Variants in BMERB1 observed in about 807,000 individuals in gnomAD.
The protein encoded by BMERB1 is bMERB domain containing 1, also known as bMERB domain-containing protein 1.
Under a neutral mutation model 23.6 loss-of-function variants are expected in BMERB1, and 12 were observed. The observed-to-expected ratio is 0.51, with a 90% CI of 0.33 to 0.82. The LOEUF (loss-of-function observed/expected upper bound fraction) is 0.82. Among genes scored for constraint, BMERB1 ranks in the 40% least tolerant of loss-of-function variants. The probability of loss-of-function intolerance (pLI) is 0.03; values close to 1 mark genes in which losing one functional copy is unlikely to be tolerated. For synonymous variants in BMERB1, 122 were observed against 96.6 expected, an observed-to-expected ratio of 1.26 and a Z score of -1.54; for missense variants, 247 against 255.4, an observed-to-expected ratio of 0.97 and a Z score of 0.22.
intron 2 of BMERB1, among the ~76,000 whole-genome samples, chr16:15,534,514 A>G (rs755649293): frequency 1.3e-5 from 2 of 152,020 alleles, no homozygotes; most frequent in African/African-American, 2.4e-5. Flanking sequence ...AGATTGTGCC[A>G]CTACACTCCA....
chr16:15,457,741 C>T (rs917657619), intron 1 of BMERB1, among the ~76,000 whole-genome samples: 6 of 152,126 alleles, frequency 3.9e-5, no homozygotes, highest in African/African-American at 1.4e-4. Flanking sequence ...ACTCATTCTT[C>T]AAGAAATAGC....
intron 4 of BMERB1, among the ~76,000 whole-genome samples, chr16:15,581,910 A>C (rs1162354441): frequency 6.6e-6 from 1 of 152,200 alleles, no homozygotes; most frequent in Non-Finnish European, 1.5e-5. Context: ...GTTTCCTTAC[A>C]CCAGAGCAAA....
intron 1 of BMERB1, among the ~76,000 whole-genome samples, chr16:15,491,306 T>C (rs1277587306): frequency 1.3e-5 from 2 of 152,204 alleles, no homozygotes; most frequent in Non-Finnish European, 2.9e-5. Context: ...CTATACTTGC[T>C]CCCTTAGTAG....
intron 1 of BMERB1, among the ~76,000 whole-genome samples, chr16:15,435,032 G>A (rs1270362584): frequency 6.6e-6 from 1 of 152,260 alleles, no homozygotes; most frequent in Non-Finnish European, 1.5e-5. Context: ...AGGAGTCCCG[G>A]ATCCGTCAGC....
rs1012494966 is a variant in BMERB1 at position 15,486,076 on chromosome 16, T to A, written c.107-29229T>A. Among the ~76,000 whole-genome samples the A allele has an allele frequency of 2.0e-5, 3 of 151,660 alleles. No individual in the cohort carries two copies. The East Asian group carries it at 5.8e-4, about 29-fold the overall frequency. Reference sequence around the variant, plus strand: ...GGCCAACATGGTGAAACCTTGTCTCTACTAAAAATACAAAAATTAGCCAGG... The same window carrying A: ...GGCCAACATGGTGAAACCTTGTCTCAACTAAAAATACAAAAATTAGCCAGG... On this transcript the variant is annotated intron_variant, in intron 1 of 5. Transcript: ENST00000300006.
chr16:15,546,350 A>G (rs1016738977), intron 2 of BMERB1, among the ~76,000 whole-genome samples: 2 of 152,168 alleles, frequency 1.3e-5, no homozygotes, highest in African/African-American at 4.8e-5. Flanking sequence ...CGTTCTAAGC[A>G]AAGTGAGTCC....
Position 15,513,681 on chromosome 16 carries a change from G to T in BMERB1, c.107-1624G>T, listed in dbSNP as rs536611002. The stretch of plus-strand genomic sequence containing the variant: ...GAGGCTGAGGCGGGTGGGTCATGAG[G>T]TCAGGAGTTCAAGATCAGCCTGGCC... On this transcript the variant is annotated intron_variant, in intron 1 of 5. Transcript: ENST00000300006. 1.4e-4 allele frequency among the ~76,000 whole-genome samples: 21 copies of T among 152,088 alleles called. No individual in the cohort carries two copies. In the South Asian group the frequency reaches 4.4e-3, roughly 32 times the overall value.
At chr16:15,435,905 A>C (rs944132646) in intron 1 of BMERB1, among the ~76,000 whole-genome samples, 1 of 152,156 alleles carries the variant, frequency 6.6e-6, no homozygotes, top group African/African-American at 2.4e-5. Context: ...ATGTCATAGC[A>C]CTGCCAACCT....
At chr16:15,530,398 A>G (rs1004329731) in intron 2 of BMERB1, among the ~76,000 whole-genome samples, 13 of 152,262 alleles carry the variant, frequency 8.5e-5, no homozygotes, top group Non-Finnish European at 1.8e-4. Context: ...ACATCTGCAA[A>G]TTTCCTTTTT....
At chr16:15,517,778 ATGTGGATG>A (rs1040403985) in intron 2 of BMERB1, among the ~76,000 whole-genome samples, 17 of 139,178 alleles carry the variant, frequency 1.2e-4, no homozygotes, top group Admixed American at 2.1e-4. Flanking sequence ...ATGTGTGTGG[ATGTGGATG>A]TGTGGATGTG....
At chr16:15,448,955 G>A (rs1455135211) in intron 1 of BMERB1, among the ~76,000 whole-genome samples, 2 of 152,128 alleles carry the variant, frequency 1.3e-5, no homozygotes, top group Non-Finnish European at 2.9e-5. Flanking sequence ...TGTTGTGATG[G>A]GTATAGGCTG....
chr16:15,505,512 G>A (rs960998738), intron 1 of BMERB1, among the ~76,000 whole-genome samples: 1 of 152,144 alleles, frequency 6.6e-6, no homozygotes, highest in Non-Finnish European at 1.5e-5. Flanking sequence ...TTATTTTCAT[G>A]GCTATTTTCT....
chr16:15,461,746 A>G (rs1484485709), intron 1 of BMERB1, among the ~76,000 whole-genome samples: 2 of 151,918 alleles, frequency 1.3e-5, no homozygotes, highest in Non-Finnish European at 1.5e-5. Flanking sequence ...AACACAGCAA[A>G]CCCCATCTCT....
intron 1 of BMERB1, 133 bp downstream of exon 1, chr16:15,434,892 A>G: frequency 1.4e-6 from 1 of 722,864 alleles, no homozygotes; most frequent in Non-Finnish European, 2.3e-6. Context: ...CTGGCAGCTC[A>G]GGGGGATACG....
intron 2 of BMERB1, among the ~76,000 whole-genome samples, chr16:15,545,234 A>G (rs373116550): frequency 7.2e-5 from 11 of 152,052 alleles, no homozygotes; most frequent in African/African-American, 2.4e-4. Flanking sequence ...CGGCCTCCCA[A>G]AGTGCTAGGA....
chr16:15,479,559 A>G (rs560350985), intron 1 of BMERB1, among the ~76,000 whole-genome samples: 66 of 152,244 alleles, frequency 4.3e-4, no homozygotes, highest in Non-Finnish European at 7.2e-4. Flanking sequence ...TGCTAACCAC[A>G]CATTTCTGTG....
At chr16:15,561,979 A>G (rs928640454) in intron 2 of BMERB1, among the ~76,000 whole-genome samples, 12 of 152,084 alleles carry the variant, frequency 7.9e-5, no homozygotes, top group African/African-American at 2.9e-4. Flanking sequence ...GATGTGCATA[A>G]TAATCCCAGC....
chr16:15,511,692 C>G (rs374470038), intron 1 of BMERB1, among the ~76,000 whole-genome samples: 3 of 152,062 alleles, frequency 2.0e-5, no homozygotes, highest in Non-Finnish European at 4.4e-5. Flanking sequence ...TTTTCCATTG[C>G]CTTTGTTACT....
intron 2 of BMERB1, among the ~76,000 whole-genome samples, chr16:15,558,675 CATAATGACAT>C (rs1056902319): frequency 2.0e-5 from 3 of 151,628 alleles, no homozygotes; most frequent in Admixed American, 1.3e-4. Flanking sequence ...ATATATGTAC[CATAATGACAT>C]ATAGTGACAT....
Sources: allele counts gnomAD v4.1 joint callset (sites outside exome capture counted in the v4.1 genomes callset), GRCh38; gene constraint gnomAD v4.1.1; transcripts MANE v1.5; gene names NCBI Gene and HGNC (gene_info 2026-07-23, HGNC 2026-07-21).